Variants in KIF5A observed in about 807,000 individuals in gnomAD.
The protein encoded by KIF5A is kinesin heavy chain isoform 5A.
Under a neutral mutation model 141.3 loss-of-function variants are expected in KIF5A, and 35 were observed. The observed-to-expected ratio is 0.25, with a 90% CI of 0.19 to 0.33. KIF5A has a LOEUF of 0.33. KIF5A is among the 10% of genes least tolerant of loss of function. KIF5A has a pLI of 1.00. For missense variants in KIF5A, 861 were observed against 1,314.3 expected, an observed-to-expected ratio of 0.66 and a Z score of 5.33; for synonymous variants, 448 against 500.2, an observed-to-expected ratio of 0.90 and a Z score of 1.39.
chr12:57,560,818 A>G (rs1881887629), intron 1 of KIF5A, among the ~76,000 whole-genome samples: 3 of 151,646 alleles, frequency 2.0e-5, no homozygotes, highest in African/African-American at 7.2e-5. Context: ...CCCAGGCAAC[A>G]TGGTGAGACT....
At chr12:57,577,681 T>G in intron 20 of KIF5A, 32 bp from the exon 21 acceptor site, 1 of 1,555,880 alleles carries the variant, frequency 6.4e-7, no homozygotes, top group Non-Finnish European at 8.9e-7. Context: ...TCCTGAGGGA[T>G]CTTTCCATTT....
At chr12:57,582,481 G>C in intron 26 of KIF5A, 121 bp from the exon 27 acceptor site, 1 of 829,300 alleles carries the variant, frequency 1.2e-6, no homozygotes, top group South Asian at 1.4e-5. Context: ...AGGAGAAAGT[G>C]TCACAGCTTA....
chr12:57,557,276 G>C (rs1736947859), intron 1 of KIF5A, among the ~76,000 whole-genome samples: 1 of 151,836 alleles, frequency 6.6e-6, no homozygotes, highest in South Asian at 2.1e-4. Context: ...AAGATGAGAG[G>C]CATTGGCTTG....
In KIF5A at chr12:57,576,742, A is replaced by T; in HGVS notation, c.2199-19A>T. ...AACATCTTTCTCCCCCATCTCCATT[A>T]CCTTCTGATGCTCTGTAGCCTAAAT... On this transcript the variant is annotated intron_variant, in intron 19 of 28. Coordinates refer to ENST00000455537, the MANE Select transcript of KIF5A (RefSeq NM_004984.4). 1 of 1,580,846 alleles carries T rather than the reference A, an allele frequency of 6.3e-7. No homozygotes were observed. The highest frequency in any genetic ancestry group is 8.7e-7 in the Non-Finnish European group (1 of 1,150,460).
chr12:57,574,086 A>G (rs1882346338), intron 15 of KIF5A, among the ~76,000 whole-genome samples: 2 of 151,374 alleles, frequency 1.3e-5, no homozygotes, highest in African/African-American at 2.4e-5. Context: ...TGTCTCAAAA[A>G]AAAAAAAAAA....
At chr12:57,553,425 G>A (rs1397158056) in intron 1 of KIF5A, among the ~76,000 whole-genome samples, 2 of 152,172 alleles carry the variant, frequency 1.3e-5, no homozygotes, top group African/African-American at 4.8e-5. Context: ...AATCAGTATT[G>A]TTTGGGGTGG....
chr12:57,568,232 A>G (rs1882130030), intron 8 of KIF5A, among the ~76,000 whole-genome samples: 2 of 152,172 alleles, frequency 1.3e-5, no homozygotes, highest in African/African-American at 4.8e-5. Context: ...TTCACATACC[A>G]TAAAGTTCAC....
intron 23 of KIF5A, among the ~76,000 whole-genome samples, chr12:57,579,175 C>T (rs142347195): frequency 3.9e-5 from 6 of 152,136 alleles, no homozygotes; most frequent in African/African-American, 1.4e-4. Context: ...CTTGCTGTTG[C>T]GGTTCTTTAG....
intron 1 of KIF5A, among the ~76,000 whole-genome samples, chr12:57,551,631 T>G (rs1390916541): frequency 6.6e-6 from 1 of 152,094 alleles, no homozygotes; most frequent in Non-Finnish European, 1.5e-5. Context: ...ACGAGGGCAG[T>G]CAAGGTCAGA....
At chr12:57,563,781 G>T in intron 3 of KIF5A, 88 bp downstream of exon 3, 1 of 1,246,310 alleles carries the variant, frequency 8.0e-7, no homozygotes, top group Non-Finnish European at 1.2e-6. Context: ...AGGAATCAAG[G>T]ATTGCCTGGT....
intron 8 of KIF5A, among the ~76,000 whole-genome samples, chr12:57,568,554 C>T (rs948234575): frequency 1.3e-5 from 2 of 152,000 alleles, no homozygotes; most frequent in African/African-American, 2.4e-5. Context: ...AGAGAAACCC[C>T]ATCTCTACAA....
At chr12:57,564,384 A>G (rs1383222190) in intron 4 of KIF5A, 76 bp from the exon 5 acceptor site, 1 of 1,178,422 alleles carries the variant, frequency 8.5e-7, no homozygotes, top group African/African-American at 1.5e-5. Flanking sequence ...TGAGCAGGTC[A>G]CATTAGTATG....
chr12:57,573,743 C>T (rs561765240), intron 15 of KIF5A, among the ~76,000 whole-genome samples: 38 of 149,460 alleles, frequency 2.5e-4, no homozygotes, highest in Non-Finnish European at 3.7e-4. Context: ...GCAGGGGAAT[C>T]GCTTGAACCT....
At chr12:57,576,500 C>A in intron 19 of KIF5A, 122 bp downstream of exon 19, 2 of 806,128 alleles carry the variant, frequency 2.5e-6, no homozygotes, top group Non-Finnish European at 2.1e-6. Flanking sequence ...AACAATGCCA[C>A]AACTTCGTAG....
intron 5 of KIF5A, 36 bp downstream of exon 5, chr12:57,564,544 G>C (rs548257210): frequency 6.6e-7 from 1 of 1,514,948 alleles, no homozygotes; most frequent in Non-Finnish European, 9.2e-7. Flanking sequence ...GGGTGTGTGA[G>C]GAGGGTGGAG....
intron 15 of KIF5A, among the ~76,000 whole-genome samples, chr12:57,574,621 G>C (rs1375259343): frequency 2.1e-5 from 3 of 142,072 alleles, no homozygotes; most frequent in Non-Finnish European, 3.0e-5. Flanking sequence ...TCACTCTGTC[G>C]CCCAGGCTGG....
intron 4 of KIF5A, 83 bp from the exon 5 acceptor site, chr12:57,564,377 G>A (rs1033150657): frequency 8.8e-7 from 1 of 1,138,362 alleles, no homozygotes; most frequent in Non-Finnish European, 1.3e-6. Context: ...CACCGTTTGA[G>A]CAGGTCACAT....
At chr12:57,552,029 C>G (rs1881592560) in intron 1 of KIF5A, among the ~76,000 whole-genome samples, 1 of 152,072 alleles carries the variant, frequency 6.6e-6, no homozygotes, top group Non-Finnish European at 1.5e-5. Context: ...AAAACAACCA[C>G]AAAACAACTC....
rs754410882 is a variant in KIF5A at position 57,576,361 on chromosome 12, C to T, written c.2181C>T (p.Thr727=). 1 of 1,613,832 alleles carries T rather than the reference C, an allele frequency of 6.2e-7. No homozygotes were observed. Among genetic ancestry groups the T allele is most frequent in the Non-Finnish European group, 8.5e-7 (1 of 1,179,774 alleles). ...LRDEINEKQK[T]IDELKDLNQK... ...ACGAGATCAACGAGAAGCAGAAGAC[C>T]ATTGATGAGCTCAAAGAGTAAGGGT... Residue 727 remains threonine (T), a synonymous_variant, in exon 19 of 29, where the codon ACC becomes ACT. Transcript: ENST00000455537.
Sources: allele counts gnomAD v4.1 joint callset (sites outside exome capture counted in the v4.1 genomes callset), GRCh38; gene constraint gnomAD v4.1.1; transcripts MANE v1.5; gene names NCBI Gene and HGNC (gene_info 2026-07-23, HGNC 2026-07-21).